The following PTPRR variants were observed in gnomAD, a reference collection of about 807,000 sequenced individuals.
PTPRR encodes protein tyrosine phosphatase receptor type R.
A neutral mutation model predicts 77.2 loss-of-function variants in PTPRR; 38 were observed. The ratio of observed to expected loss-of-function variants is 0.49; its 90% confidence interval spans 0.38 to 0.65. PTPRR has a LOEUF of 0.65. Ranked by LOEUF, PTPRR falls within the 30% of genes least tolerant of loss-of-function variation. The pLI is 0.00. For synonymous variants in PTPRR, 299 were observed against 283.1 expected, an observed-to-expected ratio of 1.06 and a Z score of -0.57; for missense variants, 744 against 799.2, an observed-to-expected ratio of 0.93 and a Z score of 0.83.
intron 10 of PTPRR, chr12:70,672,979 A>C (rs766739026): frequency 7.5e-7 from 1 of 1,328,654 alleles, no homozygotes; most frequent in Middle Eastern, 2.3e-4. Flanking sequence ...CTCCTCTTCT[A>C]GGTAGAAGGG....
intron 2 of PTPRR, among the ~76,000 whole-genome samples, chr12:70,841,196 C>CA (rs1892391596): frequency 6.6e-6 from 1 of 151,686 alleles, no homozygotes; most frequent in South Asian, 2.1e-4. Context: ...CTTACCCCCC[C>CA]AACAAAAAAA....
chr12:70,867,034 G>A (rs947127654), intron 2 of PTPRR, among the ~76,000 whole-genome samples: 15 of 151,348 alleles, frequency 9.9e-5, no homozygotes, highest in Admixed American at 2.0e-4. Context: ...TTGGTAGGAC[G>A]TATCTCAAAA....
intron 2 of PTPRR, among the ~76,000 whole-genome samples, chr12:70,829,922 G>A (rs538715502): frequency 2.4e-4 from 37 of 152,244 alleles, no homozygotes; most frequent in African/African-American, 8.7e-4. Flanking sequence ...CAGATACTTT[G>A]GTGTTACTCT....
At chr12:70,845,874 C>T (rs1182589007) in intron 2 of PTPRR, among the ~76,000 whole-genome samples, 1 of 152,104 alleles carries the variant, frequency 6.6e-6, no homozygotes. Context: ...AGATCATAAG[C>T]CTGCCTTTCC....
At chr12:70,790,238 T>C (rs371092426) in intron 2 of PTPRR, among the ~76,000 whole-genome samples, 1 of 152,294 alleles carries the variant, frequency 6.6e-6, no homozygotes, top group Admixed American at 6.5e-5. Flanking sequence ...ATTTATTGTT[T>C]CTAATAACGC....
At chr12:70,693,687 G>A (rs750685079) in intron 8 of PTPRR, among the ~76,000 whole-genome samples, 6 of 150,930 alleles carry the variant, frequency 4.0e-5, no homozygotes, top group Non-Finnish European at 7.4e-5. Context: ...AAAAACTCTT[G>A]TAATATATAG....
rs1890976552 is a variant in PTPRR, at chr12:70,771,501, T to C, written c.358-6723A>G. 6.6e-5 allele frequency among the ~76,000 whole-genome samples: 10 copies of C among 152,288 alleles called. No individual in the cohort carries two copies. In the South Asian group the frequency reaches 2.1e-3, roughly 32 times the overall value. ...TCTAAATCTCAGTGTTATGATCCAG[T>C]GTTCCCATGTCGCAAACCTGCACAT... On this transcript the variant is annotated intron_variant, in intron 2 of 13. Coordinates refer to ENST00000283228, the MANE Select transcript of PTPRR (RefSeq NM_002849.4).
chr12:70,775,246 T>A (rs976909642), intron 2 of PTPRR, among the ~76,000 whole-genome samples: 1 of 152,182 alleles, frequency 6.6e-6, no homozygotes, highest in East Asian at 1.9e-4. Context: ...TATATTTAAA[T>A]ATACCAGGCC....
chr12:70,708,987 G>T (rs1049813001), intron 6 of PTPRR, among the ~76,000 whole-genome samples: 2 of 151,688 alleles, frequency 1.3e-5, no homozygotes, highest in African/African-American at 4.8e-5. Context: ...GACACCTATT[G>T]TCCTGATACC....
At chr12:70,735,725 C>A (rs138353055) in intron 6 of PTPRR, among the ~76,000 whole-genome samples, 2 of 152,156 alleles carry the variant, frequency 1.3e-5, no homozygotes, top group Non-Finnish European at 2.9e-5. Context: ...TGACATTGAG[C>A]ATATTACTTA....
At chr12:70,900,081 A>G (rs1014514483) in intron 1 of PTPRR, among the ~76,000 whole-genome samples, 1 of 151,570 alleles carries the variant, frequency 6.6e-6, no homozygotes, top group Non-Finnish European at 1.5e-5. Flanking sequence ...AAGACTCTAC[A>G]TAATGAAGAT....
At chr12:70,658,883 G>C (rs1341007450) in intron 12 of PTPRR, among the ~76,000 whole-genome samples, 2 of 36,926 alleles carry the variant, frequency 5.4e-5, no homozygotes, top group Non-Finnish European at 9.7e-5. Flanking sequence ...TTTTGCTCTA[G>C]TTTTTTTTTT....
intron 2 of PTPRR, among the ~76,000 whole-genome samples, chr12:70,857,943 G>T (rs1027015066): frequency 1.3e-5 from 2 of 152,092 alleles, no homozygotes; most frequent in African/African-American, 2.4e-5. Context: ...GTGCTGCTCA[G>T]ATCTCCCTTC....
intron 2 of PTPRR, among the ~76,000 whole-genome samples, chr12:70,788,036 A>G (rs117249132): frequency 2.6e-5 from 4 of 152,368 alleles, no homozygotes; most frequent in Non-Finnish European, 5.9e-5. Flanking sequence ...GAAACTAAAT[A>G]CATACTTTTT....
intron 10 of PTPRR, among the ~76,000 whole-genome samples, chr12:70,676,425 A>G (rs1192528087): frequency 6.6e-6 from 1 of 152,018 alleles, no homozygotes; most frequent in African/African-American, 2.4e-5. Context: ...TTAAAAGAGT[A>G]GCCTACATTT....
At chr12:70,833,382 A>T (rs1467559685) in intron 2 of PTPRR, among the ~76,000 whole-genome samples, 1 of 152,000 alleles carries the variant, frequency 6.6e-6, no homozygotes, top group East Asian at 1.9e-4. Flanking sequence ...TGGGGGTAAA[A>T]ATGGAGGTGA....
chr12:70,821,238 T>TTTTTTTTTTTTTTTTTTTTTTTTTTTC (rs1892005722), intron 2 of PTPRR, among the ~76,000 whole-genome samples: 2 of 115,982 alleles, frequency 1.7e-5, no homozygotes, highest in Non-Finnish European at 3.3e-5. Flanking sequence ...TTTTTTTTTT[T>TTTTTTTTTTTTTTTTTTTTTTTTTTTC]TTTTAGGACA....
At position 70,679,598 on chromosome 12, in the gene PTPRR, A is replaced by AT. The variant is rs35076786; in HGVS notation, c.1497+4528dup. Reference sequence around the variant, plus strand: ...AGTGTTAGGTGCATACATATTTACAATTTTTTTTTGTTGAATTAACCCATG... The same window carrying AT: ...AGTGTTAGGTGCATACATATTTACAATTTTTTTTTTGTTGAATTAACCCATG... On this transcript the variant is annotated intron_variant, in intron 10 of 13. Coordinates refer to ENST00000283228, the MANE Select transcript of PTPRR (RefSeq NM_002849.4). 4.5e-3 allele frequency among the ~76,000 whole-genome samples: 682 copies of AT among 151,282 alleles called. 7 individuals are homozygous for AT. The highest frequency in any genetic ancestry group is 0.014 in the African/African-American group (592 of 41,254).
At chr12:70,808,064 G>A (rs1157196331) in intron 2 of PTPRR, among the ~76,000 whole-genome samples, 1 of 151,994 alleles carries the variant, frequency 6.6e-6, no homozygotes, top group Non-Finnish European at 1.5e-5. Context: ...AGCAGCCCTG[G>A]GAAAAGAATG....
Sources: allele counts gnomAD v4.1 joint callset (sites outside exome capture counted in the v4.1 genomes callset), GRCh38; gene constraint gnomAD v4.1.1; transcripts MANE v1.5; gene names NCBI Gene and HGNC (gene_info 2026-07-23, HGNC 2026-07-21).